CAST: variants seen among roughly 807,000 people sequenced by gnomAD.
CAST encodes the protein calpastatin.
In CAST, 76 loss-of-function variants were observed where a neutral mutation model predicts 119.6. The observed-to-expected ratio is 0.64, with a 90% CI of 0.53 to 0.77. CAST has a LOEUF of 0.77. CAST is among the 30% of genes least tolerant of loss of function. CAST has a pLI of 0.00. For missense variants in CAST, 953 were observed against 946.5 expected (o/e 1.01, Z -0.09); for synonymous variants, 319 against 331.6 (o/e 0.96, Z 0.41).
chr5:96,381,276 A>G, the CAST span, among the ~76,000 whole-genome samples: 1 of 152,156 alleles, frequency 6.6e-6, no homozygotes, highest in African/African-American at 2.4e-5. Context: ...TGGGTTTATT[A>G]CTGTAATTTT....
At chr5:96,380,687 A>G in the CAST span, among the ~76,000 whole-genome samples, 9 of 152,344 alleles carry the variant, frequency 5.9e-5, 1 homozygote, top group African/African-American at 2.2e-4. Context: ...ACTTGTATCT[A>G]CTACCATGAG....
chr5:96,724,520 A>C (rs1345314504), intron 4 of CAST, among the ~76,000 whole-genome samples: 1 of 152,160 alleles, frequency 6.6e-6, no homozygotes, highest in Non-Finnish European at 1.5e-5. Context: ...ATATTCCAGA[A>C]GCATCTACAA....
the CAST span, among the ~76,000 whole-genome samples, chr5:96,374,742 C>T: frequency 1.5e-3 from 224 of 152,304 alleles, no homozygotes; most frequent in African/African-American, 5.1e-3. Context: ...AGATGCACCC[C>T]TACCAAAGAC....
In CAST at chr5:96,726,789, A is replaced by G. The variant is rs1281350746; in HGVS notation, c.271-5A>G. The G allele has an allele frequency of 6.2e-7, 1 of 1,608,884 alleles. No homozygotes were observed. The highest frequency in any genetic ancestry group is 1.3e-5 in the African/African-American group (1 of 74,774). On this transcript the variant is annotated splice_polypyrimidine_tract_variant and splice_region_variant and intron_variant, in intron 4 of 31. Transcript: ENST00000675179. Reference sequence around the variant, plus strand: ...ATTATACCTGGGGCTGTGCTCTTATATTAGGCCATTCCAGTCAGCCAACAG... The same window carrying G: ...ATTATACCTGGGGCTGTGCTCTTATGTTAGGCCATTCCAGTCAGCCAACAG...
At chr5:96,692,615 C>A (rs973532972) in intron 2 of CAST, among the ~76,000 whole-genome samples, 2 of 152,136 alleles carry the variant, frequency 1.3e-5, no homozygotes, top group African/African-American at 4.8e-5. Context: ...TAGAATGCCT[C>A]CTTTCCCTCA....
At chr5:96,166,966 GGGAGAGATTA>G in the CAST span, among the ~76,000 whole-genome samples, 1 of 152,092 alleles carries the variant, frequency 6.6e-6, no homozygotes, top group South Asian at 2.1e-4. Flanking sequence ...AACCTAGAGT[GGGAGAGATTA>G]AGCTGAAGGA....
chr5:96,684,790 G>A lies in CAST; in HGVS notation c.138+9189G>A, dbSNP rs981073034. Among the ~76,000 whole-genome samples, 6 of 151,860 alleles carry A rather than the reference G, an allele frequency of 4.0e-5. No homozygotes were observed. In the East Asian group the frequency reaches 5.8e-4, roughly 15 times the overall value. On this transcript the variant is annotated intron_variant, in intron 2 of 31. Transcript: ENST00000675179. ...TCGCCATGTTGCCCAGGCTAGTCTCGAACTCCTGACCTCAGGTGATCTGCC... is the reference window on the plus strand; with the variant it reads ...TCGCCATGTTGCCCAGGCTAGTCTCAAACTCCTGACCTCAGGTGATCTGCC...
the CAST span, chr5:96,079,040 C>G: frequency 2.3e-6 from 1 of 433,366 alleles, no homozygotes; most frequent in Non-Finnish European, 4.7e-6. Flanking sequence ...CCCCATGATA[C>G]AAGTTTACCT....
the CAST span, chr5:96,397,257 A>G: frequency 8.0e-7 from 1 of 1,249,958 alleles, no homozygotes; most frequent in Non-Finnish European, 1.2e-6. Flanking sequence ...GCCCTAATTA[A>G]TGATGAAATC....
chr5:95,996,896 TG>T, the CAST span, among the ~76,000 whole-genome samples: 1 of 152,144 alleles, frequency 6.6e-6, no homozygotes, highest in South Asian at 2.1e-4. Context: ...TATTTACTGA[TG>T]TTAATCCAGT....
At chr5:96,057,130 T>C in the CAST span, among the ~76,000 whole-genome samples, 1 of 152,192 alleles carries the variant, frequency 6.6e-6, no homozygotes, top group East Asian at 1.9e-4. Context: ...ACTCAGCATT[T>C]GCCTTATTTG....
the CAST span, among the ~76,000 whole-genome samples, chr5:96,511,769 A>G: frequency 6.6e-6 from 1 of 152,222 alleles, no homozygotes; most frequent in Non-Finnish European, 1.5e-5. Context: ...TTCCAGAATG[A>G]CCTAGAGAAA....
chr5:96,011,158 T>G, the CAST span, among the ~76,000 whole-genome samples: 1 of 152,196 alleles, frequency 6.6e-6, no homozygotes, highest in Non-Finnish European at 1.5e-5. Context: ...AGCATCCAAT[T>G]GTGTCTGAGT....
chr5:96,199,077 T>C, the CAST span, among the ~76,000 whole-genome samples: 2 of 152,184 alleles, frequency 1.3e-5, no homozygotes, highest in Admixed American at 1.3e-4. Flanking sequence ...AAAAACCCTT[T>C]GACATTATTC....
the CAST span, among the ~76,000 whole-genome samples, chr5:96,350,764 C>T: frequency 5.3e-5 from 8 of 152,002 alleles, no homozygotes; most frequent in Non-Finnish European, 1.0e-4. Flanking sequence ...TCTTTCTGAG[C>T]CATAAAGAGT....
At chr5:96,394,839 A>G in the CAST span, 1 of 1,612,048 alleles carries the variant, frequency 6.2e-7, no homozygotes, top group South Asian at 1.1e-5. Context: ...AAAAGAGAGC[A>G]TGCCAAGAAC....
the CAST span, among the ~76,000 whole-genome samples, chr5:95,968,100 G>A: frequency 1.4e-4 from 22 of 152,246 alleles, no homozygotes; most frequent in African/African-American, 5.3e-4. Context: ...AATGTGTCAG[G>A]TTATCACAGT....
the CAST span, among the ~76,000 whole-genome samples, chr5:96,509,014 TG>T: frequency 6.6e-6 from 1 of 152,236 alleles, no homozygotes; most frequent in Non-Finnish European, 1.5e-5. Context: ...AGTTAATACA[TG>T]TGCTTAAAAT....
chr5:96,696,814 C>G (rs1381166969), intron 3 of CAST, among the ~76,000 whole-genome samples: 1 of 151,966 alleles, frequency 6.6e-6, no homozygotes, highest in Non-Finnish European at 1.5e-5. Context: ...TGTGACAGTG[C>G]CACTGCACTC....
Sources: gnomAD v4.1 joint callset for allele counts (sites outside exome capture counted in the v4.1 genomes callset) on GRCh38, gnomAD v4.1.1 for gene constraint, MANE v1.5 for transcripts, NCBI Gene and HGNC (gene_info 2026-07-23, HGNC 2026-07-21) for gene names.